Variants in TIGD7 observed in about 807,000 individuals in gnomAD.
TIGD7 encodes tigger transposable element-derived protein 7.
Under a neutral mutation model 24.8 loss-of-function variants are expected in TIGD7, and 26 were observed. That is an observed-to-expected ratio of 1.05 (90% CI 0.77 to 1.45). TIGD7 has a LOEUF of 1.45. Among genes scored for constraint, TIGD7 ranks in the 40% most tolerant of loss-of-function variants. TIGD7 has a pLI of 0.00. For synonymous variants in TIGD7, 221 were observed against 224.1 expected, an observed-to-expected ratio of 0.99 and a Z score of 0.12; for missense variants, 679 against 641.6, an observed-to-expected ratio of 1.06 and a Z score of -0.63.
chr16:3,301,658 CATTT>C lies in TIGD7; in HGVS notation c.-1048_-1045del, dbSNP rs768046981. The C allele has an allele frequency of 3.0e-5, 5 of 166,212 alleles. No individual in the cohort carries two copies. The highest frequency in any genetic ancestry group is 4.1e-4 in the South Asian group (2 of 4,828). 10.3% of individuals were successfully genotyped at this position (166,212 alleles called of 1,614,324 possible). On this transcript the variant is annotated 5_prime_UTR_variant, in exon 2 of 2. An upstream start codon of the reference 5' UTR is lost. Coordinates refer to ENST00000396862, the MANE Select transcript of TIGD7 (RefSeq NM_033208.4). Reference sequence around the variant, plus strand: ...AAAAATTTTTAAAGATCTGTCCTTTCATTTGTTTTCCTAAATTTACACTATAAGT... The same window carrying C: ...AAAAATTTTTAAAGATCTGTCCTTTCGTTTTCCTAAATTTACACTATAAGT...
rs771058701 is a variant in TIGD7 at position 3,299,918 on chromosome 16, T to C, written c.697A>G (p.Lys233Glu). The change falls in exon 2 of 2, where the codon AAA (lysine) becomes GAA (glutamate). Residue 233 changes from lysine to glutamate, a missense_variant. By Grantham distance (56) the Lys-to-Glu change is moderately conservative (BLOSUM62 1). Transcript: ENST00000396862. ...TCCTCTTTCACACTTTTGGGCAGTT[T>C]TGATTTTCCAATAATGATTGACTTT... Reference protein sequence around the residue: ...KLKSIIIGKSKLPKSVKEDTS... With the variant: ...KLKSIIIGKSELPKSVKEDTS... 1.2e-5 allele frequency: 19 copies of C among 1,612,128 alleles called. No individual in the cohort carries two copies. The highest frequency in any genetic ancestry group is 1.5e-5 in the Non-Finnish European group (18 of 1,179,066).
At chr16:3,305,104 C>A (rs1316950339) in intron 1 of TIGD7, 108 bp downstream of exon 1, 1 of 152,254 alleles carries the variant, frequency 6.6e-6, no homozygotes, top group South Asian at 2.1e-4. Flanking sequence ...GGACAAAATG[C>A]CTCTTCCTCG....
chr16:3,300,266 T>C lies in TIGD7; in HGVS notation c.349A>G (p.Thr117Ala). 1 of 1,614,244 alleles carries C rather than the reference T, an allele frequency of 6.2e-7. No homozygotes were observed. The highest frequency in any genetic ancestry group is 8.5e-7 in the Non-Finnish European group (1 of 1,180,036). Residue 117 changes from threonine to alanine, a missense_variant, in exon 2 of 2, where the codon ACA becomes GCA. Thr to Ala is a moderately conservative substitution (Grantham distance 58). Coordinates refer to ENST00000396862, the MANE Select transcript of TIGD7 (RefSeq NM_033208.4). ...AERFARCFGR[T>A]DFKASTGWLF... ...CAACCAGTGCTAGCTTTGAAATCTG[T>C]TCGCCCAAAACACCGTGCAAATCTC...
rs150368295 is a variant in TIGD7 at position 3,299,792 on chromosome 16, G to A, written c.823C>T (p.Arg275Ter). ...CTTAGAACATTAAGTTGAAAATGTC[G>A]GACCTCAGGAACAAAGTTTTGAAAA... The part of the protein sequence containing the change: ...WFFQNFVPEV[R>*]HFQLNVLRFH... The change falls in exon 2 of 2, where the codon CGA becomes TGA. Residue 275 changes from arginine (R) to a stop codon, truncating the protein, a stop_gained. Coordinates refer to ENST00000396862, the MANE Select transcript of TIGD7 (RefSeq NM_033208.4). LOFTEE classifies it high-confidence loss of function. 85 of 1,577,372 alleles carry A rather than the reference G, an allele frequency of 5.4e-5. No homozygotes were observed. The highest frequency in any genetic ancestry group is 6.9e-5 in the Non-Finnish European group (81 of 1,166,334).
At position 3,299,527 on chromosome 16, in the gene TIGD7, T is replaced by A. The variant is rs1390540818; in HGVS notation, c.1088A>T (p.Lys363Ile). 1 of 1,530,990 alleles carries A rather than the reference T, an allele frequency of 6.5e-7. No individual in the cohort carries two copies. The highest frequency in any genetic ancestry group is 2.3e-5 in the East Asian group (1 of 43,414). The allele number at this position is 1,530,990 out of a possible 1,614,324, so 94.8% of individuals were successfully genotyped here. The change falls in exon 2 of 2, where the codon AAA (lysine) becomes ATA (isoleucine). Residue 363 changes from lysine (K) to isoleucine (I), a missense_variant. Coordinates refer to ENST00000396862, the MANE Select transcript of TIGD7 (RefSeq NM_033208.4). ...AATTTTGGAAACTCCTTTATCTCCTTTCTCTTGCTCATCATCACTTTCTTC... is the reference window on the plus strand; with the variant it reads ...AATTTTGGAAACTCCTTTATCTCCTATCTCTTGCTCATCATCACTTTCTTC... ...IFEESDDEQEKGDKGVSKIKI... is the reference protein window; with the variant it reads ...IFEESDDEQEIGDKGVSKIKI...
intron 1 of TIGD7, chr16:3,303,631 C>T (rs1224848872): frequency 6.6e-6 from 1 of 152,164 alleles, no homozygotes; most frequent in East Asian, 1.9e-4. Context: ...ATCTGTTTAT[C>T]TTTCTCTCTC....
Position 3,299,761 on chromosome 16 carries a change from T to C in TIGD7, c.854A>G (p.His285Arg). 1.3e-6 allele frequency: 2 copies of C among 1,549,654 alleles called. No individual in the cohort carries two copies. The highest frequency in any genetic ancestry group is 1.7e-4 in the Middle Eastern group (1 of 5,742). ...RHFQLNVLRF[H>R]DEDVRALLLL... The stretch of plus-strand genomic sequence containing the variant: ...TAACAATGCCCTGACGTCCTCGTCA[T>C]GAAATCTTAGAACATTAAGTTGAAA... The change falls in exon 2 of 2, where the codon CAT becomes CGT. Residue 285 changes from histidine (H) to arginine (R), a missense_variant. Physicochemically the swap from His to Arg is conservative, Grantham distance 29. Coordinates refer to ENST00000396862, the MANE Select transcript of TIGD7 (RefSeq NM_033208.4).
intron 1 of TIGD7, chr16:3,305,010 T>G (rs1223664871): frequency 6.6e-6 from 1 of 152,152 alleles, no homozygotes; most frequent in Non-Finnish European, 1.5e-5. Context: ...AAAAAATAGT[T>G]GTGGGGAATG....
rs757693854 is a variant in TIGD7, at chr16:3,300,429, T to G, written c.186A>C (p.Pro62=). 3 of 1,614,206 alleles carry G rather than the reference T, an allele frequency of 1.9e-6. No homozygotes were observed. Among genetic ancestry groups the G allele is most frequent in the Non-Finnish European group, 2.5e-6 (3 of 1,180,042 alleles). ...ILDFVLKQDM[P]LVGAEKRKRT... Reference sequence around the variant, plus strand: ...TCTTTCTCTTCTCAGCCCCTACTAATGGCATGTCCTGCTTCAGTACAAAGT... The same window carrying G: ...TCTTTCTCTTCTCAGCCCCTACTAAGGGCATGTCCTGCTTCAGTACAAAGT... Residue 62 remains proline, a synonymous_variant, in exon 2 of 2, where the codon CCA becomes CCC. Transcript: ENST00000396862.
chr16:3,300,643 G>T lies in TIGD7; in HGVS notation c.-29C>A, dbSNP rs747441124. 121 of 1,518,278 alleles carry T rather than the reference G, an allele frequency of 8.0e-5. No individual in the cohort carries two copies. Among genetic ancestry groups the T allele is most frequent in the Non-Finnish European group, 9.9e-5 (113 of 1,137,040 alleles). 94.1% of individuals were successfully genotyped at this position (1,518,278 alleles called of 1,614,324 possible). On this transcript the variant is annotated 5_prime_UTR_variant, in exon 2 of 2. Coordinates refer to ENST00000396862, the MANE Select transcript of TIGD7 (RefSeq NM_033208.4). ...GAATTTAACTCTGAACCACCAACAG[G>T]AGAAAACAAAGGGAAAAGCCTTAAT...
chr16:3,302,532 G>T (rs1247830467), intron 1 of TIGD7, among the ~76,000 whole-genome samples: 2 of 152,194 alleles, frequency 1.3e-5, no homozygotes, highest in African/African-American at 4.8e-5. Flanking sequence ...ATAGAGCATG[G>T]AGAAGATTAC....
Position 3,301,955 on chromosome 16 carries a change from G to A in TIGD7, c.-1341C>T, listed in dbSNP as rs1449863276. On this transcript the variant is annotated 5_prime_UTR_variant, in exon 2 of 2. Transcript: ENST00000396862. ...GATTAATTTCCTGGTTCTCAGTCCA[G>A]ATACACAACCTCATGGGAAGAAACA... 1 of 166,974 alleles carries A rather than the reference G, an allele frequency of 6.0e-6. No individual in the cohort carries two copies. The highest frequency in any genetic ancestry group is 1.5e-5 in the Non-Finnish European group (1 of 68,124). 10.3% of individuals were successfully genotyped at this position (166,974 alleles called of 1,614,324 possible).
Position 3,300,088 on chromosome 16 carries a change from C to T in TIGD7, c.527G>A (p.Ser176Asn). The T allele has an allele frequency of 6.2e-7, 1 of 1,614,206 alleles. No individual in the cohort carries two copies. Among genetic ancestry groups the T allele is most frequent in the Middle Eastern group, 1.6e-4 (1 of 6,062 alleles). Residue 176 changes from serine to asparagine, a missense_variant, in exon 2 of 2, where the codon AGT becomes AAT. Physicochemically the swap from Ser to Asn is conservative, Grantham distance 46. Coordinates refer to ENST00000396862, the MANE Select transcript of TIGD7 (RefSeq NM_033208.4). Reference protein sequence around the residue: ...EEKLCLAQLYSGDETDLFWKS... With the variant: ...EEKLCLAQLYNGDETDLFWKS... ...CCAAAAGAGGTCTGTTTCATCCCCA[C>T]TGTATAGCTGAGCTAGACACAGTTT... is the stretch of plus-strand genomic sequence containing the variant.
At position 3,300,473 on chromosome 16, in the gene TIGD7, T is replaced by A. The variant is rs527803141; in HGVS notation, c.142A>T (p.Asn48Tyr). ...SKSTFYDIKK[N>Y]KKLILDFVLK... ...ACAAAGTCCAGAATTAACTTCTTAT[T>A]TTTTTTAATGTCATAAAATGTTGAC... Residue 48 changes from asparagine (N) to tyrosine (Y), a missense_variant, in exon 2 of 2, where the codon AAT (asparagine) becomes TAT (tyrosine). Coordinates refer to ENST00000396862, the MANE Select transcript of TIGD7 (RefSeq NM_033208.4). 1 of 1,614,012 alleles carries A rather than the reference T, an allele frequency of 6.2e-7. No individual in the cohort carries two copies. The highest frequency in any genetic ancestry group is 8.5e-7 in the Non-Finnish European group (1 of 1,179,962).
chr16:3,304,231 C>G (rs1960042229), intron 1 of TIGD7, among the ~76,000 whole-genome samples: 1 of 152,208 alleles, frequency 6.6e-6, no homozygotes, highest in Admixed American at 6.5e-5. Flanking sequence ...TAAAACTCTT[C>G]CTCTAAATGC....
rs1483032508 is a variant in TIGD7 at position 3,300,263 on chromosome 16, C to T, written c.352G>A (p.Asp118Asn). The T allele has an allele frequency of 3.1e-6, 5 of 1,614,104 alleles. No homozygotes were observed. In the Admixed American group the frequency reaches 5.0e-5, roughly 16 times the overall value. Residue 118 changes from aspartate (D) to asparagine (N), a missense_variant, in exon 2 of 2, where the codon GAT (aspartate) becomes AAT (asparagine). By Grantham distance (23) the Asp-to-Asn change is conservative (BLOSUM62 1). Coordinates refer to ENST00000396862, the MANE Select transcript of TIGD7 (RefSeq NM_033208.4). ...ERFARCFGRT[D>N]FKASTGWLFR... ...AGCCAACCAGTGCTAGCTTTGAAAT[C>T]TGTTCGCCCAAAACACCGTGCAAAT...
chr16:3,299,997 G>C lies in TIGD7; in HGVS notation c.618C>G (p.Asn206Lys). The C allele has an allele frequency of 1.9e-6, 3 of 1,613,984 alleles. No homozygotes were observed. The highest frequency in any genetic ancestry group is 2.5e-6 in the Non-Finnish European group (3 of 1,179,954). Residue 206 changes from asparagine to lysine, a missense_variant, in exon 2 of 2, where the codon AAC (asparagine) becomes AAG (lysine). Physicochemically the swap from Asn to Lys is moderately conservative, Grantham distance 94. Transcript: ENST00000396862. ...KDICLPGKKINKERLSAFLCA... is the reference protein window; with the variant it reads ...KDICLPGKKIKKERLSAFLCA... ...ATAAAAAGGCAGACAACCTTTCTTT[G>C]TTTATTTTCTTCCCTGGTAGGCAGA...
At position 3,300,877 on chromosome 16, in the gene TIGD7, T is replaced by G. The variant is rs911122435; in HGVS notation, c.-263A>C. On this transcript the variant is annotated 5_prime_UTR_variant, in exon 2 of 2. Transcript: ENST00000396862. ...TCCTGCAAGCCATGAGTGATCATTTTTCAGAATGCCCCCTACCTCTCCTCT... is the reference window on the plus strand; with the variant it reads ...TCCTGCAAGCCATGAGTGATCATTTGTCAGAATGCCCCCTACCTCTCCTCT... The G allele has an allele frequency of 8.0e-6, 3 of 376,998 alleles. No homozygotes were observed. Among genetic ancestry groups the G allele is most frequent in the Non-Finnish European group, 1.5e-5 (3 of 204,766 alleles). 23.4% of individuals were successfully genotyped at this position (376,998 alleles called of 1,614,324 possible). A position where few individuals can be genotyped will look rare whatever the true frequency, so the allele number is the denominator to read the frequency against.
At chr16:3,302,930 A>G (rs1379507824) in intron 1 of TIGD7, among the ~76,000 whole-genome samples, 1 of 142,374 alleles carries the variant, frequency 7.0e-6, no homozygotes, top group Non-Finnish European at 1.5e-5. Context: ...CTCTGCCTCC[A>G]GGGTTCAGGC....
Sources: allele counts gnomAD v4.1 joint callset (sites outside exome capture counted in the v4.1 genomes callset), GRCh38; gene constraint gnomAD v4.1.1; transcripts MANE v1.5; gene names NCBI Gene and HGNC (gene_info 2026-07-23, HGNC 2026-07-21).